PBX1: variants seen among roughly 807,000 people sequenced by gnomAD.
The protein encoded by PBX1 is PBX homeobox 1.
In PBX1, 6 loss-of-function variants were observed where a neutral mutation model predicts 53.4. The ratio of observed to expected loss-of-function variants is 0.11; its 90% confidence interval spans 0.06 to 0.22. The LOEUF (loss-of-function observed/expected upper bound fraction) is 0.22. Among genes scored for constraint, PBX1 ranks in the 10% least tolerant of loss-of-function variants. The pLI is 1.00. For missense variants in PBX1, 251 were observed against 551.4 expected (o/e 0.46, Z 5.46); for synonymous variants, 204 against 212.3 (o/e 0.96, Z 0.34).
At chr1:164,646,005 A>G (rs114308355) in intron 2 of PBX1, among the ~76,000 whole-genome samples, 248 of 152,314 alleles carry the variant, frequency 1.6e-3, no homozygotes, top group African/African-American at 5.2e-3. Flanking sequence ...TATCTCATCT[A>G]TAAGTGGGGA....
At chr1:164,565,493 GA>G (rs202150858) in intron 2 of PBX1, among the ~76,000 whole-genome samples, 3 of 151,036 alleles carry the variant, frequency 2.0e-5, no homozygotes, top group South Asian at 2.1e-4. Flanking sequence ...GAAAGTAGGG[GA>G]AAAAAAAGGC....
At chr1:164,592,953 GA>G (rs1655504121) in intron 2 of PBX1, among the ~76,000 whole-genome samples, 1 of 148,614 alleles carries the variant, frequency 6.7e-6, no homozygotes, top group African/African-American at 2.5e-5. Context: ...ACAATCCTTA[GA>G]TTTTTTTTTT....
At chr1:164,598,988 T>G (rs926073939) in intron 2 of PBX1, among the ~76,000 whole-genome samples, 5 of 152,022 alleles carry the variant, frequency 3.3e-5, no homozygotes, top group Non-Finnish European at 5.9e-5. Context: ...CTCCAGTCTA[T>G]GTCCTGACCA....
intron 2 of PBX1, among the ~76,000 whole-genome samples, chr1:164,582,238 C>G (rs1030040171): frequency 3.9e-5 from 6 of 152,112 alleles, no homozygotes; most frequent in Non-Finnish European, 8.8e-5. Flanking sequence ...GGACCTTGTT[C>G]AGTCCATATC....
intron 2 of PBX1, among the ~76,000 whole-genome samples, chr1:164,699,332 G>A (rs1177584547): frequency 6.6e-6 from 1 of 152,162 alleles, no homozygotes; most frequent in East Asian, 1.9e-4. Flanking sequence ...GCTTTCAAAA[G>A]TGATTTATTT....
intron 3 of PBX1, among the ~76,000 whole-genome samples, chr1:164,796,167 G>T (rs946361675): frequency 2.0e-5 from 3 of 151,826 alleles, no homozygotes; most frequent in African/African-American, 7.3e-5. Flanking sequence ...GTGCCACCAC[G>T]CCCGGCTAAT....
At chr1:164,756,637 T>C (rs771646532) in intron 2 of PBX1, among the ~76,000 whole-genome samples, 22 of 152,182 alleles carry the variant, frequency 1.4e-4, no homozygotes, top group Non-Finnish European at 2.6e-4. Context: ...ACCAAAACCA[T>C]AAAATCTACT....
intron 2 of PBX1, among the ~76,000 whole-genome samples, chr1:164,721,150 C>T (rs1664386958): frequency 6.6e-6 from 1 of 152,210 alleles, no homozygotes; most frequent in Non-Finnish European, 1.5e-5. Flanking sequence ...CGGAAACTGT[C>T]TACTCCCATT....
In PBX1 at chr1:164,768,147, G is replaced by T. The variant is rs575283461; in HGVS notation, c.266-24347G>T. ...AAGGGAGTAAAAAAAACCTAACATT[G>T]ATTTCACACCAGCCATGTGCTAGGG... On this transcript the variant is annotated intron_variant, in intron 2 of 8. Coordinates refer to ENST00000420696, the MANE Select transcript of PBX1 (RefSeq NM_002585.4). Among the ~76,000 whole-genome samples the T allele has an allele frequency of 1.2e-4, 19 of 152,204 alleles. No individual in the cohort carries two copies. In the South Asian group the frequency reaches 3.9e-3, roughly 32 times the overall value.
chr1:164,818,630 G>A (rs1210359882), intron 6 of PBX1: 1 of 151,572 alleles, frequency 6.6e-6, no homozygotes, highest in Non-Finnish European at 1.5e-5. Context: ...AAGAAAATTG[G>A]AGTTTTTTTT....
At chr1:164,673,526 A>C (rs138607511) in intron 2 of PBX1, among the ~76,000 whole-genome samples, 1 of 134,678 alleles carries the variant, frequency 7.4e-6, no homozygotes, top group African/African-American at 3.0e-5. Flanking sequence ...GCTGGAGTGC[A>C]GTGGCGGGAT....
chr1:164,777,808 G>C (rs1446150043), intron 2 of PBX1, among the ~76,000 whole-genome samples: 5 of 152,086 alleles, frequency 3.3e-5, no homozygotes, highest in Non-Finnish European at 7.4e-5. Flanking sequence ...CAGTTCCCTG[G>C]GATTCCCTCT....
At chr1:164,816,960 C>T (rs1326573080) in intron 6 of PBX1, 1 of 152,134 alleles carries the variant, frequency 6.6e-6, no homozygotes, top group Non-Finnish European at 1.5e-5. Flanking sequence ...CACTTTACCA[C>T]ATCATGATGT....
chr1:164,594,689 A>G (rs1279472078), intron 2 of PBX1, among the ~76,000 whole-genome samples: 1 of 152,208 alleles, frequency 6.6e-6, no homozygotes. Flanking sequence ...TTTCCAGTAT[A>G]TTCAGAATAC....
At chr1:164,607,639 GT>G (rs1223551261) in intron 2 of PBX1, among the ~76,000 whole-genome samples, 1 of 152,190 alleles carries the variant, frequency 6.6e-6, no homozygotes. Context: ...GATATAATCA[GT>G]GTGTAAATAG....
At chr1:164,700,685 G>A (rs1263979577) in intron 2 of PBX1, 6 of 985,312 alleles carry the variant, frequency 6.1e-6, no homozygotes, top group Non-Finnish European at 7.2e-6. Context: ...TAGGATGATG[G>A]AAGGGGACCC....
intron 2 of PBX1, chr1:164,639,591 A>G (rs906821506): frequency 1.3e-5 from 2 of 152,216 alleles, no homozygotes. Flanking sequence ...CACATATGCT[A>G]AAGTTGCAAT....
chr1:164,837,607 G>A (rs1333391441), intron 8 of PBX1, among the ~76,000 whole-genome samples: 1 of 152,172 alleles, frequency 6.6e-6, no homozygotes, highest in South Asian at 2.1e-4. Flanking sequence ...GCAGGCAGAG[G>A]TTATTTATTC....
At chr1:164,648,080 G>A (rs1162102562) in intron 2 of PBX1, among the ~76,000 whole-genome samples, 1 of 152,172 alleles carries the variant, frequency 6.6e-6, no homozygotes, top group Non-Finnish European at 1.5e-5. Flanking sequence ...CTCCCAAAGT[G>A]CTGGGATTGC....
Sources: allele counts gnomAD v4.1 joint callset (sites outside exome capture counted in the v4.1 genomes callset), GRCh38; gene constraint gnomAD v4.1.1; transcripts MANE v1.5; gene names NCBI Gene and HGNC (gene_info 2026-07-23, HGNC 2026-07-21).